The following LMBR1 variants were observed in gnomAD, a reference collection of about 807,000 sequenced individuals.
LMBR1 encodes limb region 1 protein homolog.
LMBR1 carries 52 observed loss-of-function variants against 73.9 expected under a neutral mutation model. The ratio of observed to expected loss-of-function variants is 0.70; its 90% CI spans 0.56 to 0.89. The LOEUF (loss-of-function observed/expected upper bound fraction) is 0.89, where lower values mean the gene tolerates loss of function less well. LMBR1 is among the 40% of genes least tolerant of loss of function. The pLI, the probability that LMBR1 is intolerant of heterozygous loss-of-function variation, is 0.00. For missense variants in LMBR1, 539 were observed against 579.8 expected, an observed-to-expected ratio of 0.93 and a Z score of 0.72; for synonymous variants, 215 against 209.4, an observed-to-expected ratio of 1.03 and a Z score of -0.23.
intron 4 of LMBR1, among the ~76,000 whole-genome samples, chr7:156,824,643 A>T (rs551701985): frequency 1.3e-4 from 20 of 152,196 alleles, no homozygotes; most frequent in Non-Finnish European, 2.4e-4. Context: ...AGAGTTCAAA[A>T]CCAGCCTGGG....
chr7:156,693,094 A>C (rs1278142070), intron 15 of LMBR1, among the ~76,000 whole-genome samples: 1 of 152,214 alleles, frequency 6.6e-6, no homozygotes, highest in African/African-American at 2.4e-5. Flanking sequence ...GAATGAAAAA[A>C]GCATCAATGA....
intron 15 of LMBR1, among the ~76,000 whole-genome samples, chr7:156,704,000 G>A (rs1810361471): frequency 6.6e-6 from 1 of 152,142 alleles, no homozygotes; most frequent in African/African-American, 2.4e-5. Flanking sequence ...CAAAGTGCTT[G>A]GAAACTAGAA....
At chr7:156,834,940 G>A (rs1837340131) in intron 2 of LMBR1, among the ~76,000 whole-genome samples, 1 of 151,964 alleles carries the variant, frequency 6.6e-6, no homozygotes, top group African/African-American at 2.4e-5. Context: ...AAGAGATCAA[G>A]ACCATCCTGG....
intron 9 of LMBR1, among the ~76,000 whole-genome samples, chr7:156,748,998 C>T (rs947934143): frequency 3.9e-5 from 6 of 152,058 alleles, no homozygotes; most frequent in Non-Finnish European, 8.8e-5. Context: ...TGAATAACGG[C>T]CCAAGAAGCT....
At chr7:156,781,439 T>A (rs1827116273) in intron 5 of LMBR1, among the ~76,000 whole-genome samples, 1 of 152,128 alleles carries the variant, frequency 6.6e-6, no homozygotes, top group South Asian at 2.1e-4. Flanking sequence ...ATTTCCTGCA[T>A]CTCTCAATAA....
intron 3 of LMBR1, among the ~76,000 whole-genome samples, chr7:156,829,438 G>A (rs948709299): frequency 3.9e-5 from 6 of 152,146 alleles, no homozygotes; most frequent in African/African-American, 1.4e-4. Context: ...AAGAGAGCTG[G>A]TTGTTTAAAG....
intron 15 of LMBR1, among the ~76,000 whole-genome samples, chr7:156,688,753 G>A (rs192748869): frequency 1.8e-4 from 28 of 152,104 alleles, no homozygotes; most frequent in African/African-American, 6.0e-4. Flanking sequence ...TACTAATTAC[G>A]AGTCTTCACA....
chr7:156,682,591 T>G lies in LMBR1; in HGVS notation c.*1487A>C, dbSNP rs993541881. 2 of 152,160 alleles carry G rather than the reference T, an allele frequency of 1.3e-5. No individual in the cohort carries two copies. The highest frequency in any genetic ancestry group is 2.9e-5 in the Non-Finnish European group (2 of 68,028). 9.4% of individuals were successfully genotyped at this position (152,160 alleles called of 1,614,324 possible). A position where few individuals can be genotyped will look rare whatever the true frequency, so the allele number is the denominator to read the frequency against. On this transcript the variant is annotated 3_prime_UTR_variant, in exon 17 of 17. Transcript: ENST00000353442. ...GCTGCATTTTAGAAAGATGTGAAGC[T>G]CGGAAGGAAATGCAGACGTATAAAT...
intron 14 of LMBR1, 103 bp from the exon 15 acceptor site, chr7:156,724,281 G>A (rs972967291): frequency 3.2e-5 from 25 of 786,904 alleles, no homozygotes; most frequent in African/African-American, 3.0e-4. Context: ...GTTACCTAGT[G>A]TACTTTGCCG....
At chr7:156,879,699 A>ACAAACAAT (rs1398413360) in intron 1 of LMBR1, among the ~76,000 whole-genome samples, 3 of 152,128 alleles carry the variant, frequency 2.0e-5, no homozygotes, top group African/African-American at 7.2e-5. Context: ...AAGGACATAA[A>ACAAACAAT]CAAACAATTC....
intron 1 of LMBR1, among the ~76,000 whole-genome samples, chr7:156,887,291 C>T (rs1338839642): frequency 2.6e-5 from 4 of 151,874 alleles, no homozygotes; most frequent in African/African-American, 7.3e-5. Context: ...GGTGAAACCC[C>T]GTCTCTACTA....
intron 5 of LMBR1, among the ~76,000 whole-genome samples, chr7:156,773,102 T>C (rs1334342963): frequency 6.6e-6 from 1 of 150,896 alleles, no homozygotes; most frequent in African/African-American, 2.4e-5. Context: ...TGAAACAAAA[T>C]AAAATAAAAT....
At chr7:156,831,814 C>CG (rs1156927727) in intron 3 of LMBR1, among the ~76,000 whole-genome samples, 1 of 152,194 alleles carries the variant, frequency 6.6e-6, no homozygotes, top group Admixed American at 6.5e-5. Context: ...TTATAAATTA[C>CG]GGATCTACGA....
chr7:156,706,447 T>C (rs1810960540), intron 15 of LMBR1, among the ~76,000 whole-genome samples: 1 of 152,146 alleles, frequency 6.6e-6, no homozygotes, highest in South Asian at 2.1e-4. Flanking sequence ...AGAATTTATG[T>C]TCTACTCATC....
At position 156,820,864 on chromosome 7, in the gene LMBR1, A is replaced by C. The variant is rs559772030; in HGVS notation, c.319+5741T>G. On this transcript the variant is annotated intron_variant, in intron 4 of 16. Transcript: ENST00000353442. ...TGCCTCCTGGGCCACATGACCCAGC[A>C]GATCCAAGGGTGTCTGAAAGGGCAG... is the stretch of plus-strand genomic sequence containing the variant. Among the ~76,000 whole-genome samples, 5 of 152,298 alleles carry C rather than the reference A, an allele frequency of 3.3e-5. No homozygotes were observed. The South Asian group carries it at 6.2e-4, about 19-fold the overall frequency.
intron 4 of LMBR1, among the ~76,000 whole-genome samples, chr7:156,810,602 A>T (rs1832930503): frequency 1.3e-5 from 2 of 151,678 alleles, no homozygotes; most frequent in South Asian, 4.2e-4. Flanking sequence ...CATGTTGGCC[A>T]GGCTGGTCTC....
At chr7:156,820,848 G>C (rs1004067310) in intron 4 of LMBR1, among the ~76,000 whole-genome samples, 14 of 152,166 alleles carry the variant, frequency 9.2e-5, no homozygotes, top group Admixed American at 2.0e-4. Flanking sequence ...CTGCCTCCTG[G>C]GCCACATGAC....
intron 1 of LMBR1, among the ~76,000 whole-genome samples, chr7:156,888,193 G>A (rs900152535): frequency 2.0e-5 from 3 of 150,592 alleles, no homozygotes; most frequent in Non-Finnish European, 3.0e-5. Flanking sequence ...GGCGAATCAC[G>A]AGGTCAGGAG....
intron 1 of LMBR1, among the ~76,000 whole-genome samples, chr7:156,887,782 T>A (rs926498068): frequency 1.3e-5 from 2 of 152,176 alleles, no homozygotes; most frequent in African/African-American, 4.8e-5. Context: ...GATAAGGGGT[T>A]AATATTCAGA....
Sources: gnomAD v4.1 joint callset for allele counts (sites outside exome capture counted in the v4.1 genomes callset) on GRCh38, gnomAD v4.1.1 for gene constraint, MANE v1.5 for transcripts, NCBI Gene and HGNC (gene_info 2026-07-23, HGNC 2026-07-21) for gene names.